Variants in PTPRD observed in about 807,000 individuals in gnomAD.
PTPRD encodes the protein protein tyrosine phosphatase receptor type D.
A neutral mutation model predicts 214.5 loss-of-function variants in PTPRD; 34 were observed. The ratio of observed to expected loss-of-function variants is 0.16; its 90% CI spans 0.12 to 0.21. The LOEUF is 0.21. Among genes scored for constraint, PTPRD ranks in the 10% least tolerant of loss-of-function variants. PTPRD has a pLI of 1.00. For synonymous variants in PTPRD, 1,128 were observed against 845.7 expected (o/e 1.33, Z -5.79); for missense variants, 2,545 against 2,398.7 (o/e 1.06, Z -1.27).
At chr9:10,560,208 C>T (rs1288657040) in intron 2 of PTPRD, among the ~76,000 whole-genome samples, 1 of 152,106 alleles carries the variant, frequency 6.6e-6, no homozygotes, top group African/African-American at 2.4e-5. Flanking sequence ...CACATATACA[C>T]CATGGAATAC....
intron 2 of PTPRD, among the ~76,000 whole-genome samples, chr9:10,464,720 A>AG (rs918743674): frequency 6.6e-6 from 1 of 151,440 alleles, no homozygotes; most frequent in Middle Eastern, 3.4e-3. Flanking sequence ...TTTTTAAAGT[A>AG]GAAAAAAAAA....
rs546684846 is a variant in PTPRD, at chr9:8,960,462, A to C, written c.-104+58235T>G. Among the ~76,000 whole-genome samples, 10 of 152,224 alleles carry C rather than the reference A, an allele frequency of 6.6e-5. 1 individual carries two copies. The South Asian group carries it at 1.9e-3, about 28-fold the overall frequency. On this transcript the variant is annotated intron_variant, in intron 11 of 45. Coordinates refer to ENST00000381196, the MANE Select transcript of PTPRD (RefSeq NM_002839.4). ...TTTGCGTAGGCAGCAAGATCAGTAA[A>C]AGAAATCCAGGCCAAATTCTGACAT...
chr9:10,548,346 AC>A (rs1434855232), intron 2 of PTPRD, among the ~76,000 whole-genome samples: 1 of 151,990 alleles, frequency 6.6e-6, no homozygotes, highest in Non-Finnish European at 1.5e-5. Flanking sequence ...AGAAGGAGAT[AC>A]TCTCTGCCAC....
intron 10 of PTPRD, among the ~76,000 whole-genome samples, chr9:9,093,163 C>A (rs375215504): frequency 6.6e-6 from 1 of 151,934 alleles, no homozygotes; most frequent in Non-Finnish European, 1.5e-5. Flanking sequence ...CATCTAACAA[C>A]GGAACTTCCA....
chr9:9,919,926 T>C (rs2082076054), intron 5 of PTPRD, among the ~76,000 whole-genome samples: 2 of 152,180 alleles, frequency 1.3e-5, no homozygotes, highest in Admixed American at 6.6e-5. Flanking sequence ...AATGCAGTAA[T>C]AATCTGTTAC....
At chr9:9,066,645 C>A (rs545307967) in intron 10 of PTPRD, among the ~76,000 whole-genome samples, 2 of 152,102 alleles carry the variant, frequency 1.3e-5, no homozygotes, top group African/African-American at 2.4e-5. Context: ...TAAATGTGAT[C>A]TCAGATATGC....
intron 9 of PTPRD, among the ~76,000 whole-genome samples, chr9:9,209,575 A>G (rs768443364): frequency 1.3e-5 from 2 of 152,196 alleles, no homozygotes; most frequent in Admixed American, 6.5e-5. Context: ...TTGTGTATCA[A>G]ATGATATGAT....
At chr9:9,290,054 T>C (rs1362223062) in intron 9 of PTPRD, among the ~76,000 whole-genome samples, 2 of 151,738 alleles carry the variant, frequency 1.3e-5, no homozygotes, top group African/African-American at 2.4e-5. Flanking sequence ...ATGATGATCA[T>C]ACCAATTTGT....
chr9:9,295,631 G>C (rs1952740708), intron 9 of PTPRD, among the ~76,000 whole-genome samples: 1 of 151,742 alleles, frequency 6.6e-6, no homozygotes, highest in African/African-American at 2.4e-5. Context: ...GGGAAAAAAT[G>C]ACTTTTCTCT....
intron 3 of PTPRD, among the ~76,000 whole-genome samples, chr9:10,167,802 A>G (rs1333558805): frequency 6.6e-6 from 1 of 152,120 alleles, no homozygotes; most frequent in African/African-American, 2.4e-5. Flanking sequence ...CCTTCTCCCA[A>G]TATAGCTGTA....
At chr9:9,430,890 AC>A (rs1432444573) in intron 8 of PTPRD, among the ~76,000 whole-genome samples, 2 of 152,234 alleles carry the variant, frequency 1.3e-5, no homozygotes, top group Non-Finnish European at 2.9e-5. Context: ...TACACCTTAT[AC>A]AAAAATTAAT....
chr9:10,225,686 A>G (rs1183222713), intron 3 of PTPRD, among the ~76,000 whole-genome samples: 1 of 152,074 alleles, frequency 6.6e-6, no homozygotes, highest in African/African-American at 2.4e-5. Flanking sequence ...GTCTACTCTT[A>G]TTCATTAACT....
intron 8 of PTPRD, among the ~76,000 whole-genome samples, chr9:9,423,230 C>G (rs1484360421): frequency 6.6e-6 from 1 of 152,142 alleles, no homozygotes; most frequent in Non-Finnish European, 1.5e-5. Context: ...TAACCCCCAA[C>G]ATGATGGTAT....
At chr9:9,776,231 C>CT (rs2098797809) in intron 5 of PTPRD, among the ~76,000 whole-genome samples, 1 of 152,118 alleles carries the variant, frequency 6.6e-6, no homozygotes, top group Non-Finnish European at 1.5e-5. Flanking sequence ...TTGGAATACC[C>CT]TTTTCCTGTT....
intron 35 of PTPRD, among the ~76,000 whole-genome samples, chr9:8,408,423 CT>C (rs1403254261): frequency 6.6e-6 from 1 of 152,118 alleles, no homozygotes; most frequent in Non-Finnish European, 1.5e-5. Flanking sequence ...ATGGGATACC[CT>C]TGCCTTCCCA....
At chr9:9,977,912 A>C (rs975299109) in intron 4 of PTPRD, among the ~76,000 whole-genome samples, 1 of 139,936 alleles carries the variant, frequency 7.1e-6, no homozygotes, top group Admixed American at 7.8e-5. Context: ...GAAAAAATAT[A>C]TTTAACATAC....
chr9:10,458,118 C>A (rs1295952988), intron 2 of PTPRD, among the ~76,000 whole-genome samples: 4 of 151,864 alleles, frequency 2.6e-5, no homozygotes, highest in Non-Finnish European at 5.9e-5. Flanking sequence ...TGAATTTGAC[C>A]AAACTTTTAA....
At chr9:9,594,963 T>C (rs2093139346) in intron 7 of PTPRD, among the ~76,000 whole-genome samples, 1 of 151,926 alleles carries the variant, frequency 6.6e-6, no homozygotes, top group South Asian at 2.1e-4. Flanking sequence ...GATCTACAAA[T>C]GGTCAACAAA....
intron 10 of PTPRD, among the ~76,000 whole-genome samples, chr9:9,031,047 A>T (rs1485884374): frequency 3.9e-5 from 6 of 151,938 alleles, no homozygotes; most frequent in Non-Finnish European, 7.4e-5. Context: ...GGTAAAATGG[A>T]CGTGGAAATA....
Sources: allele counts gnomAD v4.1 joint callset (sites outside exome capture counted in the v4.1 genomes callset), GRCh38; gene constraint gnomAD v4.1.1; transcripts MANE v1.5; gene names NCBI Gene and HGNC (gene_info 2026-07-23, HGNC 2026-07-21).